Variants in RBM47 observed in about 807,000 individuals in gnomAD.
RBM47 encodes RNA-binding protein 47.
RBM47 carries 21 observed loss-of-function variants against 47.1 expected under a neutral mutation model. The ratio of observed to expected loss-of-function variants is 0.45; its 90% confidence interval spans 0.32 to 0.64. The LOEUF is 0.64. Ranked by LOEUF, RBM47 falls within the 30% of genes least tolerant of loss-of-function variation. The pLI is 0.05. For synonymous variants in RBM47, 375 were observed against 361.7 expected, an observed-to-expected ratio of 1.04 and a Z score of -0.42; for missense variants, 708 against 870.9, an observed-to-expected ratio of 0.81 and a Z score of 2.35.
At chr4:40,475,164 G>A (rs1251056998) in intron 2 of RBM47, among the ~76,000 whole-genome samples, 1 of 152,054 alleles carries the variant, frequency 6.6e-6, no homozygotes, top group Non-Finnish European at 1.5e-5. Flanking sequence ...AATGATAAAA[G>A]TCTTCTTATA....
intron 6 of RBM47, among the ~76,000 whole-genome samples, chr4:40,429,219 T>C (rs1715514278): frequency 6.6e-6 from 1 of 151,678 alleles, no homozygotes; most frequent in Non-Finnish European, 1.5e-5. Flanking sequence ...AGTGCAAGAG[T>C]AGTAATGCTG....
intron 1 of RBM47, among the ~76,000 whole-genome samples, chr4:40,610,524 G>A (rs1419175257): frequency 6.6e-6 from 1 of 150,974 alleles, no homozygotes; most frequent in Non-Finnish European, 1.5e-5. Flanking sequence ...GCCAGCAAAT[G>A]GCGTGAACCC....
intron 1 of RBM47, among the ~76,000 whole-genome samples, chr4:40,571,955 G>A (rs368064068): frequency 5.3e-5 from 8 of 151,416 alleles, no homozygotes; most frequent in Non-Finnish European, 7.4e-5. Context: ...CTCGGGAGGC[G>A]GAGGTTGCAC....
intron 1 of RBM47, among the ~76,000 whole-genome samples, chr4:40,565,198 G>T (rs7677976): frequency 6.6e-6 from 1 of 152,162 alleles, no homozygotes; most frequent in South Asian, 2.1e-4. Flanking sequence ...TCATTAATGA[G>T]CTGTGAAGTT....
intron 6 of RBM47, among the ~76,000 whole-genome samples, chr4:40,428,193 CAAACAAAACAAAACAAAACA>C (rs71196867): frequency 2.0e-5 from 3 of 149,046 alleles, no homozygotes; most frequent in East Asian, 2.0e-4. Context: ...GACCTTGTCT[CAAACAAAACAAAACAAAACA>C]AAACAAAACA....
At chr4:40,437,090 A>AAAAAAAAAAAAAAAATATAT (rs1256296949) in intron 4 of RBM47, among the ~76,000 whole-genome samples, 77 of 49,728 alleles carry the variant, frequency 1.5e-3, no homozygotes, top group Non-Finnish European at 2.2e-3. Context: ...AAAAAAAAAA[A>AAAAAAAAAAAAAAAATATAT]ATATATATAT....
intron 2 of RBM47, among the ~76,000 whole-genome samples, chr4:40,500,314 C>CCG (rs1487568564): frequency 1.3e-5 from 2 of 150,588 alleles, no homozygotes; most frequent in African/African-American, 4.9e-5. Flanking sequence ...ACTTCGTCCC[C>CCG]CCCCAAAAAA....
chr4:40,567,775 G>A (rs1731237008), intron 1 of RBM47, among the ~76,000 whole-genome samples: 1 of 151,964 alleles, frequency 6.6e-6, no homozygotes. Context: ...GGCAAAACAA[G>A]AGAGGCACAA....
intron 2 of RBM47, among the ~76,000 whole-genome samples, chr4:40,494,629 C>G (rs1722331843): frequency 6.6e-6 from 1 of 152,136 alleles, no homozygotes. Flanking sequence ...CGAGGGCTCT[C>G]AGGTGTAGCC....
chr4:40,456,924 T>C (rs1009948718), intron 3 of RBM47, among the ~76,000 whole-genome samples: 1 of 151,496 alleles, frequency 6.6e-6, no homozygotes, highest in Non-Finnish European at 1.5e-5. Context: ...ATGGAGAAAC[T>C]GAGAAGGAGG....
At chr4:40,558,206 T>C (rs998130076) in intron 1 of RBM47, among the ~76,000 whole-genome samples, 4 of 152,182 alleles carry the variant, frequency 2.6e-5, no homozygotes, top group African/African-American at 9.7e-5. Flanking sequence ...TATTTGAAAT[T>C]TGGGATTTCT....
chr4:40,552,516 G>A (rs1250430731), intron 1 of RBM47, among the ~76,000 whole-genome samples: 3 of 151,560 alleles, frequency 2.0e-5, no homozygotes, highest in South Asian at 2.1e-4. Flanking sequence ...GTAGCAGGTG[G>A]GCTAAATTAA....
At chr4:40,597,038 A>G (rs550834673) in intron 1 of RBM47, among the ~76,000 whole-genome samples, 2 of 152,200 alleles carry the variant, frequency 1.3e-5, no homozygotes, top group Admixed American at 1.3e-4. Flanking sequence ...AGGCAGGCAG[A>G]TCATGAGGTC....
intron 3 of RBM47, among the ~76,000 whole-genome samples, chr4:40,454,450 T>C (rs1560378647): frequency 6.6e-6 from 1 of 152,172 alleles, no homozygotes; most frequent in East Asian, 1.9e-4. Context: ...CAGTGTTAGC[T>C]ATTAGTGCCC....
intron 1 of RBM47, among the ~76,000 whole-genome samples, chr4:40,550,084 C>T (rs1315873681): frequency 1.3e-5 from 2 of 152,176 alleles, no homozygotes; most frequent in Non-Finnish European, 2.9e-5. Flanking sequence ...TAACCACCAC[C>T]ACAGCCACAA....
chr4:40,541,947 C>T (rs1728587922), intron 2 of RBM47, among the ~76,000 whole-genome samples: 1 of 152,166 alleles, frequency 6.6e-6, no homozygotes, highest in African/African-American at 2.4e-5. Flanking sequence ...GATCACCTTT[C>T]CTGGATGCCA....
At chr4:40,446,203 C>T (rs1714499489) in intron 3 of RBM47, among the ~76,000 whole-genome samples, 1 of 152,162 alleles carries the variant, frequency 6.6e-6, no homozygotes. Context: ...TGCATATTAA[C>T]TCATTCTAAT....
chr4:40,428,224 A>G (rs1004873141), intron 6 of RBM47, among the ~76,000 whole-genome samples: 27 of 152,018 alleles, frequency 1.8e-4, no homozygotes, highest in African/African-American at 5.3e-4. Context: ...AAACAAAACA[A>G]AACAAAACAA....
In RBM47 at chr4:40,610,098, A is replaced by AAAAC. The variant is rs569498014; in HGVS notation, c.-240+19294_-240+19297dup. On this transcript the variant is annotated intron_variant, in intron 1 of 6. Coordinates refer to ENST00000295971, the MANE Select transcript of RBM47 (RefSeq NM_001098634.2). ...AAAAGTGAAACTCTGTCTCAAAATA[A>AAAAC]AAACAAACAAACAAACAAACAAAAA... 2.5e-4 allele frequency among the ~76,000 whole-genome samples: 38 copies of AAAAC among 152,054 alleles called. 1 individual carries two copies. Among genetic ancestry groups the AAAAC allele is most frequent in the Admixed American group, 1.8e-3 (28 of 15,246 alleles).
Sources: allele counts gnomAD v4.1 joint callset (sites outside exome capture counted in the v4.1 genomes callset), GRCh38; gene constraint gnomAD v4.1.1; transcripts MANE v1.5; gene names NCBI Gene and HGNC (gene_info 2026-07-23, HGNC 2026-07-21).